RPGRIP1L: variants seen among roughly 807,000 people sequenced by gnomAD.
RPGRIP1L encodes protein fantom.
RPGRIP1L carries 131 observed loss-of-function variants against 160.4 expected under a neutral mutation model. The observed-to-expected ratio is 0.82, with a 90% CI of 0.71 to 0.94. The LOEUF (loss-of-function observed/expected upper bound fraction) is 0.94. RPGRIP1L is among the 40% of genes least tolerant of loss of function. The pLI is 0.00. For synonymous variants in RPGRIP1L, 510 were observed against 515.8 expected (o/e 0.99, Z 0.15); for missense variants, 1,522 against 1,535.8 (o/e 0.99, Z 0.15).
At position 53,608,542 on chromosome 16, in the gene RPGRIP1L, T is replaced by C. The variant is rs555033212; in HGVS notation, c.3701+2425A>G. ...TGAAGGCACATTTCAATATGTTACC[T>C]CCCTTTTAAAGTGACACGTGTATAT... On this transcript the variant is annotated intron_variant, in intron 25 of 26. Coordinates refer to ENST00000647211, the MANE Select transcript of RPGRIP1L (RefSeq NM_015272.5). 5.9e-5 allele frequency among the ~76,000 whole-genome samples: 9 copies of C among 152,258 alleles called. No homozygotes were observed. The South Asian group carries it at 1.9e-3, about 32-fold the overall frequency.
rs367844249 is a variant in RPGRIP1L, at chr16:53,672,862, G to A, written c.1029+8C>T. The A allele has an allele frequency of 2.9e-5, 46 of 1,611,108 alleles. No individual in the cohort carries two copies. The highest frequency in any genetic ancestry group is 3.5e-5 in the Non-Finnish European group (41 of 1,178,556). On this transcript the variant is annotated splice_region_variant and intron_variant, in intron 8 of 26. Coordinates refer to ENST00000647211, the MANE Select transcript of RPGRIP1L (RefSeq NM_015272.5). ...TGCAACAGATGGCTAAACTCTTTGG[G>A]AGCTTACCTCTTCTATTCTTCTTTC...
At position 53,700,656 on chromosome 16, in the gene RPGRIP1L, C is replaced by A; in HGVS notation, c.68G>T (p.Gly23Val). 1 of 1,612,846 alleles carries A rather than the reference C, an allele frequency of 6.2e-7. No individual in the cohort carries two copies. The highest frequency in any genetic ancestry group is 1.7e-5 in the Admixed American group (1 of 59,948). The change falls in exon 2 of 27, where the codon GGA becomes GTA. Residue 23 changes from glycine to valine, a missense_variant. By Grantham distance (109) the Gly-to-Val change is moderately radical. Transcript: ENST00000647211. ...PVKDTGLNLF[G>V]MGGLQETSTT... The stretch of plus-strand genomic sequence containing the variant: ...GGCCATACCTTGTAACCCTCCCATT[C>A]CAAAGAGGTTTAGACCTGTATCTTT...
At chr16:53,680,340 G>A (rs577727237) in intron 6 of RPGRIP1L, among the ~76,000 whole-genome samples, 2 of 152,166 alleles carry the variant, frequency 1.3e-5, no homozygotes, top group African/African-American at 4.8e-5. Context: ...CCTGGTCCCA[G>A]TTACCCCTCC....
intron 22 of RPGRIP1L, chr16:53,635,679 A>G: frequency 6.6e-6 from 1 of 152,188 alleles, no homozygotes; most frequent in East Asian, 1.9e-4. Flanking sequence ...GAAGAGTTAA[A>G]AGAAATATTC....
intron 9 of RPGRIP1L, among the ~76,000 whole-genome samples, chr16:53,666,584 G>GTA (rs1219328205): frequency 2.2e-5 from 3 of 137,028 alleles, no homozygotes; most frequent in Admixed American, 8.4e-5. Flanking sequence ...GTGTGTGTGT[G>GTA]TGTGTGTGTA....
At position 53,652,601 on chromosome 16, in the gene RPGRIP1L, A is replaced by G; in HGVS notation, c.2086T>C (p.Cys696Arg). The change falls in exon 15 of 27, where the codon TGT (cysteine) becomes CGT (arginine). Residue 696 changes from cysteine to arginine, a missense_variant. Physicochemically the swap from Cys to Arg is radical, Grantham distance 180 (BLOSUM62 -3). Transcript: ENST00000647211. The part of the protein sequence containing the change: ...YSTEYETIAA[C>R]QLKFHEILEK... The stretch of plus-strand genomic sequence containing the variant: ...AGAATTTCGTGAAATTTTAATTGAC[A>G]TGCTGCAATTGTTTCATATTCTGTG... 1 of 1,614,136 alleles carries G rather than the reference A, an allele frequency of 6.2e-7. No individual in the cohort carries two copies. The highest frequency in any genetic ancestry group is 8.5e-7 in the Non-Finnish European group (1 of 1,179,996).
chr16:53,663,849 A>T (rs1968016516), intron 10 of RPGRIP1L, among the ~76,000 whole-genome samples: 1 of 152,176 alleles, frequency 6.6e-6, no homozygotes, highest in African/African-American at 2.4e-5. Flanking sequence ...GTCACACTGA[A>T]ATTTAAAAAT....
At chr16:53,691,987 G>T in intron 4 of RPGRIP1L, 79 bp downstream of exon 4, 1 of 1,344,696 alleles carries the variant, frequency 7.4e-7, no homozygotes, top group Non-Finnish European at 1.1e-6. Context: ...GCGTAATACA[G>T]AAGTAAAACT....
At chr16:53,702,777 C>G (rs142805237) in intron 1 of RPGRIP1L, among the ~76,000 whole-genome samples, 279 of 151,916 alleles carry the variant, frequency 1.8e-3, no homozygotes, top group African/African-American at 6.6e-3. Context: ...CTCAGCCTCC[C>G]GAGTAGCTGG....
intron 22 of RPGRIP1L, among the ~76,000 whole-genome samples, chr16:53,630,689 A>AG (rs1460656332): frequency 6.6e-6 from 1 of 152,192 alleles, no homozygotes; most frequent in Non-Finnish European, 1.5e-5. Flanking sequence ...AATTTCTACT[A>AG]GGAGAGTATG....
At chr16:53,626,710 C>G (rs910463376) in intron 22 of RPGRIP1L, among the ~76,000 whole-genome samples, 13 of 149,334 alleles carry the variant, frequency 8.7e-5, no homozygotes, top group African/African-American at 3.0e-4. Context: ...GAGGCTGAGG[C>G]AGGAGAATCG....
intron 22 of RPGRIP1L, among the ~76,000 whole-genome samples, chr16:53,629,420 C>CT (rs1273141687): frequency 6.6e-6 from 1 of 152,188 alleles, no homozygotes; most frequent in African/African-American, 2.4e-5. Context: ...GGATTTGCAT[C>CT]TCTTACAAAT....
chr16:53,698,747 C>T (rs891998968), intron 2 of RPGRIP1L, among the ~76,000 whole-genome samples: 3 of 149,658 alleles, frequency 2.0e-5, no homozygotes, highest in Non-Finnish European at 3.0e-5. Flanking sequence ...CGGCCAGCCG[C>T]CCCGTCTGGG....
At chr16:53,670,994 T>G (rs1020642165) in intron 9 of RPGRIP1L, among the ~76,000 whole-genome samples, 1 of 152,034 alleles carries the variant, frequency 6.6e-6, no homozygotes, top group African/African-American at 2.4e-5. Context: ...TTGCTCAGGC[T>G]GCTGAGGTGG....
chr16:53,660,305 C>T (rs1967667203), intron 10 of RPGRIP1L, among the ~76,000 whole-genome samples: 2 of 152,100 alleles, frequency 1.3e-5, no homozygotes, highest in Admixed American at 6.6e-5. Context: ...TATCATAAGT[C>T]TTCAATTTAT....
chr16:53,685,118 T>C (rs1969908497), intron 6 of RPGRIP1L, among the ~76,000 whole-genome samples: 2 of 151,320 alleles, frequency 1.3e-5, no homozygotes, highest in Non-Finnish European at 2.9e-5. Context: ...AAAAAAAAGC[T>C]CAACATCACT....
intron 26 of RPGRIP1L, among the ~76,000 whole-genome samples, chr16:53,602,593 T>G (rs1963435470): frequency 6.6e-6 from 1 of 151,926 alleles, no homozygotes; most frequent in Non-Finnish European, 1.5e-5. Context: ...CTGACCAACA[T>G]GGAGAAACCC....
intron 14 of RPGRIP1L, among the ~76,000 whole-genome samples, chr16:53,655,191 T>G (rs1967142958): frequency 6.6e-6 from 1 of 152,250 alleles, no homozygotes; most frequent in Non-Finnish European, 1.5e-5. Flanking sequence ...CTAAGAAGAT[T>G]TGCGAAATGT....
intron 2 of RPGRIP1L, among the ~76,000 whole-genome samples, chr16:53,696,741 T>C (rs1054068346): frequency 2.6e-5 from 4 of 152,292 alleles, no homozygotes; most frequent in South Asian, 4.1e-4. Context: ...GAAAACAAAC[T>C]ATAAAAGTTG....
Sources: allele counts gnomAD v4.1 joint callset (sites outside exome capture counted in the v4.1 genomes callset), GRCh38; gene constraint gnomAD v4.1.1; transcripts MANE v1.5; gene names NCBI Gene and HGNC (gene_info 2026-07-23, HGNC 2026-07-21).